Variants in FHL5 observed in about 807,000 individuals in gnomAD.
FHL5 encodes the protein four and a half LIM domains 5.
Under a neutral mutation model 32.0 loss-of-function variants are expected in FHL5, and 33 were observed. The ratio of observed to expected loss-of-function variants is 1.03; its 90% CI spans 0.78 to 1.38. The LOEUF is 1.38. Ranked by LOEUF, FHL5 falls within the 40% of genes most tolerant of loss-of-function variation. FHL5 has a pLI of 0.00. For synonymous variants in FHL5, 114 were observed against 113.6 expected (o/e 1.00, Z -0.02); for missense variants, 336 against 343.9 (o/e 0.98, Z 0.18).
At chr6:96,573,590 C>T (rs1385278777) in intron 1 of FHL5, among the ~76,000 whole-genome samples, 2 of 139,094 alleles carry the variant, frequency 1.4e-5, no homozygotes, top group South Asian at 2.2e-4. Context: ...GGCGCAATCT[C>T]GGCTCACTGC....
chr6:96,606,096 T>A, intron 4 of FHL5, 25 bp downstream of exon 4: 1 of 1,594,132 alleles, frequency 6.3e-7, no homozygotes, highest in Non-Finnish European at 8.6e-7. Context: ...AGGGTGAAGC[T>A]TGTGGAAACT....
intron 1 of FHL5, among the ~76,000 whole-genome samples, chr6:96,576,404 A>G (rs1770585207): frequency 6.6e-6 from 1 of 152,244 alleles, no homozygotes; most frequent in Non-Finnish European, 1.5e-5. Context: ...TGTGGGTGGT[A>G]AAGTACCAAG....
At chr6:96,573,002 A>G (rs548233878) in intron 1 of FHL5, among the ~76,000 whole-genome samples, 1 of 152,238 alleles carries the variant, frequency 6.6e-6, no homozygotes, top group South Asian at 2.1e-4. Flanking sequence ...TCTTGCTGCT[A>G]TCTCTCTGAC....
intron 1 of FHL5, among the ~76,000 whole-genome samples, chr6:96,564,560 A>T (rs958522115): frequency 2.6e-5 from 4 of 152,122 alleles, no homozygotes; most frequent in African/African-American, 9.7e-5. Flanking sequence ...CAACATTTTG[A>T]GTAAAGCTGA....
In FHL5 at chr6:96,603,633, A is replaced by AT; in HGVS notation, c.20_21insT (p.Cys8LeufsTer18). 6.2e-7 allele frequency: 1 copy of AT among 1,611,884 alleles called. No individual in the cohort carries two copies. Among genetic ancestry groups the AT allele is most frequent in the Non-Finnish European group, 8.5e-7 (1 of 1,179,414 alleles). On this transcript the variant is annotated frameshift_variant, in exon 2 of 6. Transcript: ENST00000450218. LOFTEE classifies it high-confidence loss of function. The stretch of plus-strand genomic sequence containing the variant: ...ACCAAAATGACAACTGCTCACTTTT[A>AT]CTGTCAATACTGCACAGCATCACTT...
At chr6:96,602,609 T>C (rs890068133) in intron 1 of FHL5, among the ~76,000 whole-genome samples, 12 of 151,924 alleles carry the variant, frequency 7.9e-5, no homozygotes, top group African/African-American at 2.7e-4. Flanking sequence ...TGTTTCTTAA[T>C]GGCTTTCCAA....
At position 96,566,755 on chromosome 6, in the gene FHL5, T is replaced by A. The variant is rs144717090; in HGVS notation, c.-13+3400T>A. Among the ~76,000 whole-genome samples, 291 of 152,086 alleles carry A rather than the reference T, an allele frequency of 1.9e-3. 1 individual carries two copies. Among genetic ancestry groups the A allele is most frequent in the African/African-American group, 6.8e-3 (283 of 41,556 alleles). The stretch of plus-strand genomic sequence containing the variant: ...TGCATTACCCTGATGATTAATGACA[T>A]TGACCATTTTTTGTACCTACCTGTT... On this transcript the variant is annotated intron_variant, in intron 1 of 5. Transcript: ENST00000450218.
chr6:96,598,628 T>C (rs1771083900), intron 1 of FHL5, among the ~76,000 whole-genome samples: 1 of 152,200 alleles, frequency 6.6e-6, no homozygotes, highest in African/African-American at 2.4e-5. Flanking sequence ...TCCCAAAAAG[T>C]CTAATTTATT....
chr6:96,592,121 C>A (rs562310169), intron 1 of FHL5, among the ~76,000 whole-genome samples: 6 of 152,048 alleles, frequency 3.9e-5, no homozygotes, highest in African/African-American at 1.4e-4. Context: ...TTGAGAGCAA[C>A]CTGTCTGACC....
At position 96,617,063 on chromosome 6, in the gene FHL5, C is replaced by G. The variant is rs1771537512; in HGVS notation, c.*1291C>G. Among the ~76,000 whole-genome samples the G allele has an allele frequency of 1.3e-5, 2 of 152,136 alleles. No homozygotes were observed. The highest frequency in any genetic ancestry group is 1.3e-4 in the Admixed American group (2 of 15,272). ...ATTGATCACACAGGAAGTAAAGAGC[C>G]TTAGTGAGAAGTCCATCACCAGGTT... On this transcript the variant is annotated 3_prime_UTR_variant, in exon 6 of 6. Transcript: ENST00000450218.
intron 1 of FHL5, among the ~76,000 whole-genome samples, chr6:96,564,603 C>A (rs967691992): frequency 6.6e-6 from 1 of 152,056 alleles, no homozygotes; most frequent in Non-Finnish European, 1.5e-5. Context: ...AGACTGGGTA[C>A]TTTTCTACTA....
At chr6:96,575,665 C>T (rs1272936205) in intron 1 of FHL5, among the ~76,000 whole-genome samples, 1 of 152,156 alleles carries the variant, frequency 6.6e-6, no homozygotes, top group African/African-American at 2.4e-5. Context: ...TGAGTGAATA[C>T]TTTCAAAAGA....
chr6:96,589,325 A>C (rs1278652673), intron 1 of FHL5, among the ~76,000 whole-genome samples: 1 of 152,054 alleles, frequency 6.6e-6, no homozygotes, highest in Non-Finnish European at 1.5e-5. Context: ...TACAATTTCC[A>C]TTGCTTTTGA....
chr6:96,610,411 A>G (rs1771373444), intron 4 of FHL5, among the ~76,000 whole-genome samples, 161 bp from the exon 5 acceptor site: 1 of 152,230 alleles, frequency 6.6e-6, no homozygotes, highest in African/African-American at 2.4e-5. Flanking sequence ...AAAATAGAGT[A>G]GCCAAAAGCA....
intron 1 of FHL5, among the ~76,000 whole-genome samples, chr6:96,578,034 A>T (rs1770619514): frequency 6.6e-6 from 1 of 152,188 alleles, no homozygotes; most frequent in South Asian, 2.1e-4. Flanking sequence ...GAATTTCAAA[A>T]ATCCCTCCCA....
chr6:96,587,212 T>C (rs994212470), intron 1 of FHL5, among the ~76,000 whole-genome samples: 1 of 152,192 alleles, frequency 6.6e-6, no homozygotes, highest in Admixed American at 6.5e-5. Flanking sequence ...CAGAGAGTTC[T>C]TCACAATGCC....
chr6:96,573,958 T>C (rs1006735415), intron 1 of FHL5, among the ~76,000 whole-genome samples: 1 of 152,158 alleles, frequency 6.6e-6, no homozygotes, highest in African/African-American at 2.4e-5. Context: ...TACTGAAAAG[T>C]AAAATTTTAA....
chr6:96,583,246 A>G (rs545408145), intron 1 of FHL5, among the ~76,000 whole-genome samples: 8 of 152,200 alleles, frequency 5.3e-5, no homozygotes, highest in Non-Finnish European at 1.0e-4. Context: ...TTCTAAAAGT[A>G]GAGCCTATTT....
In FHL5 at chr6:96,614,990, G is replaced by A. The variant is rs111569750; in HGVS notation, c.692-619G>A. On this transcript the variant is annotated intron_variant, in intron 5 of 5. Transcript: ENST00000450218. ...CTGAGCAAGGTAATAAGGCCATCAC[G>A]TTAGGATGGCTGAATGATTAGACAA... 2.1e-3 allele frequency among the ~76,000 whole-genome samples: 323 copies of A among 151,186 alleles called. 1 individual carries two copies. The highest frequency in any genetic ancestry group is 5.0e-3 in the African/African-American group (204 of 40,942).
Sources: gnomAD v4.1 joint callset for allele counts (sites outside exome capture counted in the v4.1 genomes callset) on GRCh38, gnomAD v4.1.1 for gene constraint, MANE v1.5 for transcripts, NCBI Gene and HGNC (gene_info 2026-07-23, HGNC 2026-07-21) for gene names.